Variants in BBX observed in about 807,000 individuals in gnomAD.
BBX encodes HMG box transcription factor BBX.
Under a neutral mutation model 100.2 loss-of-function variants are expected in BBX, and 30 were observed. The observed-to-expected ratio is 0.30, with a 90% CI of 0.22 to 0.41. The LOEUF is 0.41. Among genes scored for constraint, BBX ranks in the 10% least tolerant of loss-of-function variants. BBX has a pLI of 1.00. For missense variants in BBX, 1,023 were observed against 1,129.8 expected, an observed-to-expected ratio of 0.91 and a Z score of 1.35; for synonymous variants, 376 against 388.1, an observed-to-expected ratio of 0.97 and a Z score of 0.37.
intron 5 of BBX, among the ~76,000 whole-genome samples, chr3:107,725,612 A>G (rs1363240862): frequency 1.3e-5 from 2 of 152,106 alleles, no homozygotes; most frequent in African/African-American, 4.8e-5. Flanking sequence ...TCAAATATTA[A>G]GTAGACAAAA....
intron 2 of BBX, among the ~76,000 whole-genome samples, chr3:107,602,590 A>G (rs2054139108): frequency 6.6e-6 from 1 of 152,188 alleles, no homozygotes; most frequent in South Asian, 2.1e-4. Context: ...GGAGGTGAAA[A>G]TATCAACATT....
intron 3 of BBX, among the ~76,000 whole-genome samples, chr3:107,656,070 C>G (rs2058123310): frequency 6.6e-6 from 1 of 152,116 alleles, no homozygotes; most frequent in Non-Finnish European, 1.5e-5. Context: ...ATAGCTCATT[C>G]AACCATGATC....
intron 2 of BBX, among the ~76,000 whole-genome samples, chr3:107,618,518 C>CA (rs1559880485): frequency 6.6e-6 from 1 of 151,868 alleles, no homozygotes; most frequent in Admixed American, 6.6e-5. Context: ...TGTCCTGTTT[C>CA]AAAAAAAGTA....
intron 3 of BBX, among the ~76,000 whole-genome samples, chr3:107,689,464 G>C (rs2060024600): frequency 6.6e-6 from 1 of 152,188 alleles, no homozygotes; most frequent in Admixed American, 6.5e-5. Context: ...ATGGAGATGT[G>C]TGTGCTCTCC....
intron 7 of BBX, among the ~76,000 whole-genome samples, chr3:107,740,025 A>G (rs2063947808): frequency 2.0e-5 from 3 of 152,038 alleles, no homozygotes; most frequent in African/African-American, 7.2e-5. Flanking sequence ...GCCCTGAGTA[A>G]AACCAAGGAT....
chr3:107,643,488 A>G (rs1320503300), intron 2 of BBX, among the ~76,000 whole-genome samples: 1 of 152,036 alleles, frequency 6.6e-6, no homozygotes, highest in African/African-American at 2.4e-5. Context: ...AGTGGAGCTA[A>G]TCACCAGGAG....
intron 16 of BBX, 46 bp downstream of exon 16, chr3:107,798,766 T>A (rs779930108): frequency 1.3e-6 from 2 of 1,547,350 alleles, no homozygotes; most frequent in Admixed American, 3.4e-5. Flanking sequence ...TCTTTTAGCT[T>A]CCCTGGGCCA....
At chr3:107,705,103 T>C (rs1387845682) in intron 3 of BBX, among the ~76,000 whole-genome samples, 1 of 152,162 alleles carries the variant, frequency 6.6e-6, no homozygotes, top group African/African-American at 2.4e-5. Flanking sequence ...GTCCAATTTG[T>C]GTGGAAGTAC....
In BBX at chr3:107,602,328, A is replaced by G. The variant is rs1425024743; in HGVS notation, c.-83-43508A>G. On this transcript the variant is annotated intron_variant, in intron 2 of 17. Transcript: ENST00000325805. Reference sequence around the variant, plus strand: ...TACATTTCCTAAGGCTACAGCTGCTATAAATAGTGATTATAGTGATTGCTC... The same window carrying G: ...TACATTTCCTAAGGCTACAGCTGCTGTAAATAGTGATTATAGTGATTGCTC... 2.0e-5 allele frequency among the ~76,000 whole-genome samples: 3 copies of G among 152,244 alleles called. No homozygotes were observed. In the South Asian group the frequency reaches 6.2e-4, roughly 32 times the overall value.
At chr3:107,747,658 T>C (rs187334197) in intron 8 of BBX, among the ~76,000 whole-genome samples, 1 of 152,150 alleles carries the variant, frequency 6.6e-6, no homozygotes, top group African/African-American at 2.4e-5. Context: ...TTTTTCCTTT[T>C]TTTTTTTTTA....
chr3:107,653,194 A>T (rs927556990), intron 3 of BBX, among the ~76,000 whole-genome samples: 2 of 152,166 alleles, frequency 1.3e-5, no homozygotes, highest in African/African-American at 4.8e-5. Context: ...ATCAATAAAT[A>T]TTAGTGGGCT....
chr3:107,769,367 G>C (rs1009764057), intron 10 of BBX, among the ~76,000 whole-genome samples: 2 of 152,152 alleles, frequency 1.3e-5, no homozygotes, highest in Non-Finnish European at 2.9e-5. Context: ...CCTCACAACA[G>C]CCCAATGTAG....
At chr3:107,637,372 G>A (rs981889799) in intron 2 of BBX, among the ~76,000 whole-genome samples, 3 of 152,164 alleles carry the variant, frequency 2.0e-5, no homozygotes, top group African/African-American at 4.8e-5. Context: ...CCAACTGAAC[G>A]CTTCTGTAGA....
At chr3:107,567,698 ACT>A (rs1221371809) in intron 2 of BBX, among the ~76,000 whole-genome samples, 2 of 151,874 alleles carry the variant, frequency 1.3e-5, no homozygotes, top group African/African-American at 2.4e-5. Context: ...TCTGAACGTA[ACT>A]CTGAATAGCC....
At chr3:107,705,514 C>T (rs952018549) in intron 3 of BBX, among the ~76,000 whole-genome samples, 17 of 152,148 alleles carry the variant, frequency 1.1e-4, no homozygotes, top group African/African-American at 4.1e-4. Context: ...ATCACTCAGA[C>T]AAAGGAAAGG....
intron 2 of BBX, among the ~76,000 whole-genome samples, chr3:107,567,106 C>T (rs905407944): frequency 1.4e-4 from 21 of 151,952 alleles, no homozygotes; most frequent in Admixed American, 1.2e-3. Flanking sequence ...TCTTATGTTA[C>T]TGTATTTAGG....
intron 2 of BBX, among the ~76,000 whole-genome samples, chr3:107,585,674 A>C (rs1260114404): frequency 6.6e-6 from 1 of 152,180 alleles, no homozygotes; most frequent in Non-Finnish European, 1.5e-5. Context: ...ATCAAAATTT[A>C]TAATTTCTAA....
In BBX at chr3:107,755,698, T is replaced by C. The variant is rs1434920359; in HGVS notation, c.906+20T>C. ...GCAGAGGCAAGTTCCTAAGAATATA[T>C]TGAGATAAGATCTGCAGAGGTGGAA... On this transcript the variant is annotated intron_variant, in intron 10 of 17. Transcript: ENST00000325805. 1.1e-5 allele frequency: 17 copies of C among 1,594,508 alleles called. No homozygotes were observed. The highest frequency in any genetic ancestry group is 1.7e-5 in the Admixed American group (1 of 59,956).
chr3:107,730,695 G>T (rs956648333), intron 6 of BBX, among the ~76,000 whole-genome samples: 3 of 152,092 alleles, frequency 2.0e-5, no homozygotes, highest in Admixed American at 6.6e-5. Context: ...GTTCTCAAAA[G>T]AAAGTACAGG....
Sources: gnomAD v4.1 joint callset for allele counts (sites outside exome capture counted in the v4.1 genomes callset) on GRCh38, gnomAD v4.1.1 for gene constraint, MANE v1.5 for transcripts, NCBI Gene and HGNC (gene_info 2026-07-23, HGNC 2026-07-21) for gene names.